Variants in METTL2A observed in about 807,000 individuals in gnomAD.
METTL2A encodes tRNA N(3)-cytidine methyltransferase METTL2A.
METTL2A carries 45 observed loss-of-function variants against 49.4 expected under a neutral mutation model. That is an observed-to-expected ratio of 0.91 (90% confidence interval 0.72 to 1.17). The LOEUF (loss-of-function observed/expected upper bound fraction) is 1.17. Ranked by LOEUF, METTL2A falls within the 50% of genes most tolerant of loss-of-function variation. METTL2A has a pLI of 0.00. For synonymous variants in METTL2A, 118 were observed against 167.5 expected (o/e 0.70, Z 2.28); for missense variants, 361 against 462.2 (o/e 0.78, Z 2.01).
intron 4 of METTL2A, among the ~76,000 whole-genome samples, chr17:62,433,021 T>C (rs147761044): frequency 0.018 from 2,684 of 152,316 alleles, 93 homozygotes; most frequent in African/African-American, 0.061. Flanking sequence ...GCATTATAGA[T>C]GATTTAATGT....
At chr17:62,425,569 T>C (rs2070618689) in intron 2 of METTL2A, among the ~76,000 whole-genome samples, 1 of 148,884 alleles carries the variant, frequency 6.7e-6, no homozygotes, top group Non-Finnish European at 1.5e-5. Context: ...TGTATTTTAG[T>C]ACAGACGGGG....
At chr17:62,432,808 A>G (rs1410745347) in intron 4 of METTL2A, among the ~76,000 whole-genome samples, 1 of 151,752 alleles carries the variant, frequency 6.6e-6, no homozygotes, top group Admixed American at 6.6e-5. Context: ...TCTCAAAAAA[A>G]AAAAAATTGC....
Position 62,452,589 on chromosome 17 carries a change from A to G in METTL2A, c.*3860A>G, listed in dbSNP as rs1260926734. ...TCTCATATCTGATTTACTTGTCTCAATATGGACCCATGGGTATTTGAGTTT... is the reference window on the plus strand; with the variant it reads ...TCTCATATCTGATTTACTTGTCTCAGTATGGACCCATGGGTATTTGAGTTT... On this transcript the variant is annotated 3_prime_UTR_variant, in exon 9 of 9. Transcript: ENST00000311506. 6.6e-6 allele frequency among the ~76,000 whole-genome samples: 1 copy of G among 152,054 alleles called. No individual in the cohort carries two copies. The highest frequency in any genetic ancestry group is 1.5e-5 in the Non-Finnish European group (1 of 68,016).
chr17:62,453,235 C>T lies in METTL2A; in HGVS notation c.*4506C>T, dbSNP rs1287390415. Among the ~76,000 whole-genome samples, 8 of 152,190 alleles carry T rather than the reference C, an allele frequency of 5.3e-5. No homozygotes were observed. The highest frequency in any genetic ancestry group is 8.8e-5 in the Non-Finnish European group (6 of 68,048). ...CCATCTGCTAAGCTCGACTTTTTAT[C>T]TCTCAGGCCAAATTTGACTCTGCAA... On this transcript the variant is annotated 3_prime_UTR_variant, in exon 9 of 9. Coordinates refer to ENST00000311506, the MANE Select transcript of METTL2A (RefSeq NM_181725.4).
chr17:62,443,019 G>A (rs2070747170), intron 6 of METTL2A, among the ~76,000 whole-genome samples: 2 of 152,180 alleles, frequency 1.3e-5, no homozygotes, highest in Non-Finnish European at 2.9e-5. Flanking sequence ...GAGGATGAGT[G>A]TGAAATAAAG....
intron 6 of METTL2A, among the ~76,000 whole-genome samples, chr17:62,444,378 C>G (rs1198312031): frequency 6.6e-6 from 1 of 152,230 alleles, no homozygotes; most frequent in East Asian, 1.9e-4. Flanking sequence ...CTCCCAGGTT[C>G]CAGAAATTCT....
At chr17:62,426,698 T>G (rs765844295) in intron 3 of METTL2A, 44 bp downstream of exon 3, 3 of 1,025,014 alleles carry the variant, frequency 2.9e-6, no homozygotes, top group Non-Finnish European at 4.3e-6. Flanking sequence ...GAAGCTATTA[T>G]ATTTGTGCAC....
chr17:62,435,534 C>T (rs1026714944), intron 5 of METTL2A, among the ~76,000 whole-genome samples: 6 of 152,158 alleles, frequency 3.9e-5, no homozygotes, highest in African/African-American at 7.2e-5. Flanking sequence ...GCAAGCCTAC[C>T]GGTGCCATTT....
rs2070791287 is a variant in METTL2A, at chr17:62,449,432, C to A, written c.*703C>A. 5 of 451,268 alleles carry A rather than the reference C, an allele frequency of 1.1e-5. No individual in the cohort carries two copies. The highest frequency in any genetic ancestry group is 7.8e-5 in the South Asian group (5 of 64,274). The allele number at this position is 451,268 out of a possible 1,614,324, so 28.0% of individuals were successfully genotyped here. A position where few individuals can be genotyped will look rare whatever the true frequency, so the allele number is the denominator to read the frequency against. On this transcript the variant is annotated 3_prime_UTR_variant, in exon 9 of 9. Transcript: ENST00000311506. Reference sequence around the variant, plus strand: ...GTCTTCGCTTTAATCTTAGTTCCGCCAGGCACGGTGGCTCACACCTGTAAT... The same window carrying A: ...GTCTTCGCTTTAATCTTAGTTCCGCAAGGCACGGTGGCTCACACCTGTAAT...
At chr17:62,435,033 C>T (rs2070691293) in intron 4 of METTL2A, 199 bp from the exon 5 acceptor site, 2 of 649,988 alleles carry the variant, frequency 3.1e-6, no homozygotes, top group Non-Finnish European at 5.0e-6. Context: ...TTCATATTAG[C>T]TATGTCCACA....
rs1159777084 is a variant in METTL2A, at chr17:62,426,319, C to T, written c.223C>T (p.His75Tyr). ...EKQVDYEINA[H>Y]KYWNDFYKIH... The stretch of plus-strand genomic sequence containing the variant: ...TACAGTTGATTATGAGATCAATGCC[C>T]ACAAATACTGGAATGACTTCTACAA... The change falls in exon 3 of 9, where the codon CAC becomes TAC. Residue 75 changes from histidine (H) to tyrosine (Y), a missense_variant. His to Tyr is a moderately conservative substitution (Grantham distance 83, BLOSUM62 2). Around this residue, in one of 3 missense-constraint regions of METTL2A, gnomAD observed 150 missense variants for 170.1 expected, o/e 0.88. Transcript: ENST00000311506. The T allele has an allele frequency of 6.8e-6, 11 of 1,607,808 alleles. No homozygotes were observed. Among genetic ancestry groups the T allele is most frequent in the Non-Finnish European group, 9.4e-6 (11 of 1,175,372 alleles).
chr17:62,440,625 A>G lies in METTL2A; in HGVS notation c.678A>G (p.Ser226=). The G allele has an allele frequency of 2.5e-6, 4 of 1,610,776 alleles. No individual in the cohort carries two copies. Among genetic ancestry groups the G allele is most frequent in the Non-Finnish European group, 3.4e-6 (4 of 1,179,210 alleles). Residue 226 remains serine, a synonymous_variant, in exon 6 of 9, where the codon TCA becomes TCG. Transcript: ENST00000311506. Reference sequence around the variant, plus strand: ...CTTCCATCTGTCTGCAGACAAATTCAGAATATGATCCTTCTCGGTGTTTTG... The same window carrying G: ...CTTCCATCTGTCTGCAGACAAATTCGGAATATGATCCTTCTCGGTGTTTTG... The part of the protein sequence containing the change: ...STAIELVQTN[S]EYDPSRCFAF...
intron 4 of METTL2A, among the ~76,000 whole-genome samples, chr17:62,431,998 C>T (rs184511600): frequency 1.1e-3 from 170 of 152,166 alleles, no homozygotes; most frequent in African/African-American, 3.7e-3. Context: ...GGATTACAGG[C>T]GTGAGCCACC....
chr17:62,435,114 G>C lies in METTL2A; in HGVS notation c.609-118G>C, dbSNP rs577560271. On this transcript the variant is annotated intron_variant, in intron 4 of 8. Transcript: ENST00000311506. ...AAATATGTTGTGACTAATAGATACA[G>C]TTTATTTGAATGAATGATAGTTTTT... 26 of 1,450,736 alleles carry C rather than the reference G, an allele frequency of 1.8e-5. No homozygotes were observed. The East Asian group carries it at 5.7e-4, about 32-fold the overall frequency. 89.9% of individuals were successfully genotyped at this position (1,450,736 alleles called of 1,614,324 possible).
chr17:62,442,832 T>C (rs1305562104), intron 6 of METTL2A, among the ~76,000 whole-genome samples: 1 of 152,122 alleles, frequency 6.6e-6, no homozygotes, highest in Admixed American at 6.6e-5. Context: ...GGTAAGCTGG[T>C]GTTAGGAAGC....
At position 62,448,917 on chromosome 17, in the gene METTL2A, TAATAAA is replaced by T; in HGVS notation, c.*197_*202del. The T allele has an allele frequency of 1.4e-6, 1 of 705,984 alleles. No homozygotes were observed. The highest frequency in any genetic ancestry group is 2.1e-6 in the Non-Finnish European group (1 of 483,280). 43.7% of individuals were successfully genotyped at this position (705,984 alleles called of 1,614,324 possible). On this transcript the variant is annotated 3_prime_UTR_variant, in exon 9 of 9. Transcript: ENST00000311506. The stretch of plus-strand genomic sequence containing the variant: ...TGAGAGACCCTGTATCTGAAAGTAA[TAATAAA>T]AATAAAAAATATAAATGAGGTCTCG...
At chr17:62,441,168 T>C (rs1351041778) in intron 6 of METTL2A, among the ~76,000 whole-genome samples, 1 of 152,220 alleles carries the variant, frequency 6.6e-6, no homozygotes, top group Non-Finnish European at 1.5e-5. Context: ...TATGTTCTGA[T>C]AGACACAAAG....
chr17:62,440,217 G>T (rs2070729704), intron 5 of METTL2A, among the ~76,000 whole-genome samples: 1 of 151,974 alleles, frequency 6.6e-6, no homozygotes, highest in South Asian at 2.1e-4. Flanking sequence ...TAGAGATGGG[G>T]TTTCTCCATG....
chr17:62,440,392 C>T (rs1408542766), intron 5 of METTL2A, among the ~76,000 whole-genome samples: 5 of 152,052 alleles, frequency 3.3e-5, no homozygotes, highest in Non-Finnish European at 7.3e-5. Flanking sequence ...GAAATATATC[C>T]CCTACTCTGG....
Sources: allele counts gnomAD v4.1 joint callset (sites outside exome capture counted in the v4.1 genomes callset), GRCh38; gene constraint gnomAD v4.1.1; regional missense constraint gnomAD v4.1.1; transcripts MANE v1.5; gene names NCBI Gene and HGNC (gene_info 2026-07-23, HGNC 2026-07-21).